Variants in PCDH9 observed in about 807,000 individuals in gnomAD.
The protein encoded by PCDH9 is protocadherin 9, also known as protocadherin-9.
In PCDH9, 24 loss-of-function variants were observed where a neutral mutation model predicts 70.6. That is an observed-to-expected ratio of 0.34 (90% confidence interval 0.25 to 0.48). The LOEUF (loss-of-function observed/expected upper bound fraction) is 0.48, where lower values mean the gene tolerates loss of function less well. Ranked by LOEUF, PCDH9 falls within the 20% of genes least tolerant of loss-of-function variation. The probability of loss-of-function intolerance (pLI) is 0.99; values close to 1 mark genes in which losing one functional copy is unlikely to be tolerated. For synonymous variants in PCDH9, 562 were observed against 558.5 expected, an observed-to-expected ratio of 1.01 and a Z score of -0.09; for missense variants, 1,281 against 1,503.6, an observed-to-expected ratio of 0.85 and a Z score of 2.45.
intron 4 of PCDH9, among the ~76,000 whole-genome samples, chr13:66,413,021 C>G (rs1957397219): frequency 6.6e-6 from 1 of 152,174 alleles, no homozygotes; most frequent in Admixed American, 6.5e-5. Context: ...TTACTGTTAA[C>G]AAGCATTGTA....
intron 3 of PCDH9, among the ~76,000 whole-genome samples, chr13:66,670,680 TA>T (rs1358005413): frequency 6.6e-6 from 1 of 152,136 alleles, no homozygotes; most frequent in Non-Finnish European, 1.5e-5. Flanking sequence ...ATATTCTACC[TA>T]ATTTTGCCTG....
chr13:67,022,928 T>C (rs1229932859), intron 2 of PCDH9, among the ~76,000 whole-genome samples: 1 of 152,258 alleles, frequency 6.6e-6, no homozygotes, highest in East Asian at 1.9e-4. Flanking sequence ...TTCAGCGCCC[T>C]GGATACTGAG....
At chr13:67,122,978 G>GT (rs994844226) in intron 2 of PCDH9, among the ~76,000 whole-genome samples, 2 of 151,900 alleles carry the variant, frequency 1.3e-5, no homozygotes, top group African/African-American at 4.8e-5. Context: ...ATTGAAAATA[G>GT]TCACACTATA....
chr13:66,675,385 G>C (rs187774761), intron 3 of PCDH9, among the ~76,000 whole-genome samples: 2 of 152,186 alleles, frequency 1.3e-5, no homozygotes, highest in Admixed American at 1.3e-4. Flanking sequence ...ATGCATGCCT[G>C]GCCCTCAAAG....
intron 4 of PCDH9, among the ~76,000 whole-genome samples, chr13:66,568,635 G>T (rs2076687166): frequency 6.6e-6 from 1 of 151,236 alleles, no homozygotes; most frequent in Admixed American, 6.6e-5. Context: ...TCATGCCACT[G>T]CAATCCAGCC....
intron 3 of PCDH9, among the ~76,000 whole-genome samples, chr13:66,737,399 G>A (rs1459429933): frequency 6.6e-6 from 1 of 152,124 alleles, no homozygotes; most frequent in Non-Finnish European, 1.5e-5. Flanking sequence ...AGTTATTGGT[G>A]GTTCTCACCA....
At chr13:66,893,705 A>C (rs1419419614) in intron 3 of PCDH9, among the ~76,000 whole-genome samples, 1 of 152,154 alleles carries the variant, frequency 6.6e-6, no homozygotes, top group East Asian at 1.9e-4. Flanking sequence ...ACTAAAATAA[A>C]AGTTTAACTG....
At chr13:67,097,091 C>A (rs1467763540) in intron 2 of PCDH9, among the ~76,000 whole-genome samples, 35 of 142,260 alleles carry the variant, frequency 2.5e-4, no homozygotes, top group African/African-American at 2.8e-4. Context: ...ACAGAAAATA[C>A]AAAAAAAAAA....
intron 3 of PCDH9, among the ~76,000 whole-genome samples, chr13:66,763,165 AAT>A (rs71782312): frequency 0.078 from 11,838 of 151,780 alleles, 509 homozygotes; most frequent in East Asian, 0.14. Flanking sequence ...GGTATTTACA[AAT>A]ATATATATGA....
intron 4 of PCDH9, among the ~76,000 whole-genome samples, chr13:66,480,685 A>G (rs1239087454): frequency 6.6e-6 from 1 of 152,208 alleles, no homozygotes; most frequent in African/African-American, 2.4e-5. Context: ...GATGTGGACA[A>G]ATAGGAACAC....
chr13:66,812,169 G>A (rs17081908), intron 3 of PCDH9, among the ~76,000 whole-genome samples: 4,722 of 151,436 alleles, frequency 0.031, 230 homozygotes, highest in African/African-American at 0.11. Flanking sequence ...ATTTTCTTAC[G>A]TGCAGAACTT....
chr13:66,677,991 C>T (rs1217622284), intron 3 of PCDH9, among the ~76,000 whole-genome samples: 1 of 152,132 alleles, frequency 6.6e-6, no homozygotes, highest in Non-Finnish European at 1.5e-5. Context: ...ACAATTTCAG[C>T]TTTACTTAAA....
At chr13:67,149,377 C>T (rs374618094) in intron 2 of PCDH9, among the ~76,000 whole-genome samples, 2 of 151,992 alleles carry the variant, frequency 1.3e-5, no homozygotes, top group East Asian at 1.9e-4. Context: ...TTTATGAATT[C>T]TTTATAGTCA....
chr13:66,379,397 T>C (rs751381987), intron 4 of PCDH9, among the ~76,000 whole-genome samples: 2 of 152,244 alleles, frequency 1.3e-5, no homozygotes, highest in Non-Finnish European at 2.9e-5. Flanking sequence ...AGGCTTTAAG[T>C]ATTATATATT....
chr13:66,822,752 C>T (rs941919212), intron 3 of PCDH9, among the ~76,000 whole-genome samples: 6 of 152,102 alleles, frequency 3.9e-5, no homozygotes, highest in Admixed American at 2.6e-4. Context: ...TAAAGTGATC[C>T]GCCTGCCTCC....
intron 3 of PCDH9, among the ~76,000 whole-genome samples, chr13:66,839,758 G>A (rs17081924): frequency 0.033 from 5,039 of 152,094 alleles, 274 homozygotes; most frequent in African/African-American, 0.11. Flanking sequence ...GATGTGCATC[G>A]TAAAGCTCTT....
intron 2 of PCDH9, among the ~76,000 whole-genome samples, chr13:67,194,166 A>G (rs1303748676): frequency 6.6e-6 from 1 of 152,112 alleles, no homozygotes; most frequent in South Asian, 2.1e-4. Context: ...ATTTTGTGCC[A>G]GATACTTTTC....
chr13:66,863,621 G>A (rs946179847), intron 3 of PCDH9, among the ~76,000 whole-genome samples: 17 of 152,044 alleles, frequency 1.1e-4, no homozygotes, highest in South Asian at 2.1e-4. Flanking sequence ...AAGTAGCTAG[G>A]ATTACAGGCA....
chr13:67,152,248 A>C (rs1274963391), intron 2 of PCDH9, among the ~76,000 whole-genome samples: 1 of 152,180 alleles, frequency 6.6e-6, no homozygotes, highest in Admixed American at 6.6e-5. Flanking sequence ...GAACTAATGA[A>C]TTACAATTTG....
Sources: allele counts gnomAD v4.1 joint callset (sites outside exome capture counted in the v4.1 genomes callset), GRCh38; gene constraint gnomAD v4.1.1; transcripts MANE v1.5; gene names NCBI Gene and HGNC (gene_info 2026-07-23, HGNC 2026-07-21).